The following PDE7B variants were observed in gnomAD, a reference collection of about 807,000 sequenced individuals.
PDE7B encodes the protein 3',5'-cyclic-AMP phosphodiesterase 7B.
In PDE7B, 29 loss-of-function variants were observed where a neutral mutation model predicts 56.2. The ratio of observed to expected loss-of-function variants is 0.52; its 90% CI spans 0.38 to 0.70. PDE7B has a LOEUF of 0.70. Ranked by LOEUF, PDE7B falls within the 30% of genes least tolerant of loss-of-function variation. The pLI, the probability that PDE7B is intolerant of heterozygous loss-of-function variation, is 0.00. For synonymous variants in PDE7B, 197 were observed against 196.9 expected, an observed-to-expected ratio of 1.00 and a Z score of 0.00; for missense variants, 490 against 565.0, an observed-to-expected ratio of 0.87 and a Z score of 1.35.
chr6:136,170,520 T>C (rs1261905296), intron 8 of PDE7B, among the ~76,000 whole-genome samples: 1 of 152,220 alleles, frequency 6.6e-6, no homozygotes, highest in East Asian at 1.9e-4. Flanking sequence ...CTGTGGCTAC[T>C]CTAGGTACCT....
At chr6:135,973,026 T>C (rs935470762) in intron 2 of PDE7B, among the ~76,000 whole-genome samples, 3 of 152,200 alleles carry the variant, frequency 2.0e-5, no homozygotes, top group African/African-American at 7.2e-5. Flanking sequence ...TTTGAGTGTA[T>C]ATACAGCATT....
chr6:136,159,921 T>G (rs1778675133), intron 8 of PDE7B, among the ~76,000 whole-genome samples: 1 of 152,206 alleles, frequency 6.6e-6, no homozygotes, highest in Non-Finnish European at 1.5e-5. Context: ...CCCTCTTGAC[T>G]TAATTTGAAA....
chr6:136,176,150 G>T (rs1778973391), intron 9 of PDE7B, among the ~76,000 whole-genome samples: 1 of 151,888 alleles, frequency 6.6e-6, no homozygotes. Context: ...TTATTCATTT[G>T]TTAGAACTCT....
chr6:135,927,564 G>A (rs566858397), intron 1 of PDE7B, among the ~76,000 whole-genome samples: 9 of 151,936 alleles, frequency 5.9e-5, no homozygotes, highest in African/African-American at 9.7e-5. Context: ...GATTTCTTTC[G>A]GAAGCATTTT....
chr6:136,171,221 A>G (rs1778874206), intron 8 of PDE7B, among the ~76,000 whole-genome samples: 1 of 152,330 alleles, frequency 6.6e-6, no homozygotes, highest in African/African-American at 2.4e-5. Flanking sequence ...GAGATTGAAT[A>G]TAACACAGGT....
intron 7 of PDE7B, among the ~76,000 whole-genome samples, chr6:136,154,955 C>T (rs960252863): frequency 6.6e-6 from 1 of 152,182 alleles, no homozygotes; most frequent in Non-Finnish European, 1.5e-5. Flanking sequence ...GTGGGTGCCT[C>T]ATCCCTGCAA....
In PDE7B at chr6:136,195,247, A is replaced by G. The variant is rs1254426640; in HGVS notation, c.*3407A>G. On this transcript the variant is annotated 3_prime_UTR_variant, in exon 13 of 13. Transcript: ENST00000308191. ...TCTCCCTGCTTATGGCTCCCCGCAA[A>G]GGGACTTGCAGCGTGTCCTGCAACT... 6.6e-6 allele frequency: 1 copy of G among 152,166 alleles called. No individual in the cohort carries two copies. Among genetic ancestry groups the G allele is most frequent in the Non-Finnish European group, 1.5e-5 (1 of 68,034 alleles). 9.4% of individuals were successfully genotyped at this position (152,166 alleles called of 1,614,324 possible). A position where few individuals can be genotyped will look rare whatever the true frequency, so the allele number is the denominator to read the frequency against.
At chr6:136,078,874 G>C (rs1013261780) in intron 2 of PDE7B, among the ~76,000 whole-genome samples, 1 of 152,050 alleles carries the variant, frequency 6.6e-6, no homozygotes, top group African/African-American at 2.4e-5. Flanking sequence ...AACCAGAAAA[G>C]TCTAAATAAA....
At chr6:136,182,294 G>A (rs528717279) in intron 11 of PDE7B, among the ~76,000 whole-genome samples, 2 of 152,240 alleles carry the variant, frequency 1.3e-5, no homozygotes, top group African/African-American at 4.8e-5. Flanking sequence ...CTACAATTCT[G>A]TATATAATTT....
chr6:136,089,850 CT>C (rs1415073954), intron 2 of PDE7B, among the ~76,000 whole-genome samples: 2 of 152,132 alleles, frequency 1.3e-5, no homozygotes, highest in Admixed American at 1.3e-4. Context: ...TTGTGTGTGT[CT>C]TTTTCTCCTT....
At chr6:135,862,591 T>A (rs1322665582) in intron 1 of PDE7B, among the ~76,000 whole-genome samples, 2 of 151,924 alleles carry the variant, frequency 1.3e-5, no homozygotes, top group Non-Finnish European at 2.9e-5. Context: ...AAGTTTATAT[T>A]ATTTTTTTTC....
intron 8 of PDE7B, among the ~76,000 whole-genome samples, chr6:136,164,124 A>G (rs1370204272): frequency 3.3e-5 from 5 of 152,300 alleles, no homozygotes; most frequent in Middle Eastern, 3.4e-3. Flanking sequence ...GGTAATTTAT[A>G]AAGGAAAGAG....
chr6:135,885,850 A>G (rs978185130), intron 1 of PDE7B, among the ~76,000 whole-genome samples: 1 of 152,178 alleles, frequency 6.6e-6, no homozygotes. Context: ...GCTGAGTCCA[A>G]TCAGTTGTTT....
chr6:136,067,252 A>G (rs1288024467), intron 2 of PDE7B, among the ~76,000 whole-genome samples: 2 of 152,224 alleles, frequency 1.3e-5, no homozygotes, highest in African/African-American at 4.8e-5. Flanking sequence ...TGAGGCATGC[A>G]TGTAAAATTT....
At chr6:136,007,667 AG>A (rs1414348799) in intron 2 of PDE7B, among the ~76,000 whole-genome samples, 4 of 151,480 alleles carry the variant, frequency 2.6e-5, no homozygotes, top group East Asian at 1.9e-4. Context: ...AAAAAAAAAA[AG>A]AAAATCAATT....
In PDE7B at chr6:136,194,404, C is replaced by T. The variant is rs1286874165; in HGVS notation, c.*2564C>T. 7.9e-5 allele frequency: 12 copies of T among 152,096 alleles called. No homozygotes were observed. Among genetic ancestry groups the T allele is most frequent in the African/African-American group, 1.7e-4 (7 of 41,410 alleles). The allele number at this position is 152,096 out of a possible 1,614,324, so 9.4% of individuals were successfully genotyped here. ...CTACCAAATATCCAATGGGTAAGCCCATGATGTAGCCACTAGTACAATAAA... is the reference window on the plus strand; with the variant it reads ...CTACCAAATATCCAATGGGTAAGCCTATGATGTAGCCACTAGTACAATAAA... On this transcript the variant is annotated 3_prime_UTR_variant, in exon 13 of 13. Transcript: ENST00000308191.
chr6:135,925,804 A>T (rs1774173453), intron 1 of PDE7B, among the ~76,000 whole-genome samples: 1 of 152,136 alleles, frequency 6.6e-6, no homozygotes, highest in East Asian at 1.9e-4. Context: ...GAAAGGCACT[A>T]GCCTGACTAT....
At chr6:136,155,243 T>C (rs1405451944) in intron 7 of PDE7B, among the ~76,000 whole-genome samples, 1 of 152,202 alleles carries the variant, frequency 6.6e-6, no homozygotes, top group Non-Finnish European at 1.5e-5. Flanking sequence ...AGGTCCATCA[T>C]GTGACCAACT....
chr6:136,107,243 G>A (rs1480660249), intron 2 of PDE7B, among the ~76,000 whole-genome samples: 1 of 152,186 alleles, frequency 6.6e-6, no homozygotes, highest in African/African-American at 2.4e-5. Context: ...CTTCCTTTCA[G>A]CTCCCAGGCT....
Sources: allele counts gnomAD v4.1 joint callset (sites outside exome capture counted in the v4.1 genomes callset), GRCh38; gene constraint gnomAD v4.1.1; transcripts MANE v1.5; gene names NCBI Gene and HGNC (gene_info 2026-07-23, HGNC 2026-07-21).